CACNA1A: variants seen among roughly 807,000 people sequenced by gnomAD.
The protein encoded by CACNA1A is calcium voltage-gated channel subunit alpha1 A.
CACNA1A carries 57 observed loss-of-function variants against 262.4 expected under a neutral mutation model. The observed-to-expected ratio is 0.22, with a 90% CI of 0.18 to 0.27. CACNA1A has a LOEUF of 0.27. Among genes scored for constraint, CACNA1A ranks in the 10% least tolerant of loss-of-function variants. The pLI is 1.00. For synonymous variants in CACNA1A, 1,431 were observed against 1,419.3 expected (o/e 1.01, Z -0.18); for missense variants, 2,526 against 3,562.8 (o/e 0.71, Z 7.41).
chr19:13,485,296 A>T (rs1367891712), intron 1 of CACNA1A, among the ~76,000 whole-genome samples: 1 of 152,242 alleles, frequency 6.6e-6, no homozygotes, highest in Non-Finnish European at 1.5e-5. Flanking sequence ...GAAATAACAT[A>T]AAATATATCC....
intron 3 of CACNA1A, among the ~76,000 whole-genome samples, chr19:13,421,358 T>A (rs2144784827): frequency 6.6e-6 from 1 of 152,226 alleles, no homozygotes; most frequent in Admixed American, 6.5e-5. Flanking sequence ...GAAGTTGTAG[T>A]CATGGGGGAT....
chr19:13,324,709 A>ACAC (rs112857303), intron 10 of CACNA1A, among the ~76,000 whole-genome samples: 18,158 of 146,878 alleles, frequency 0.12, 1,087 homozygotes, highest in South Asian at 0.19. Flanking sequence ...CTCAACAACA[A>ACAC]CATCAACAAC....
chr19:13,374,235 CA>C (rs1568583675), intron 3 of CACNA1A, among the ~76,000 whole-genome samples: 1 of 152,010 alleles, frequency 6.6e-6, no homozygotes, highest in Non-Finnish European at 1.5e-5. Context: ...TACAACTTTA[CA>C]AAAAATGAAT....
rs529542670 is a variant in CACNA1A at position 13,452,803 on chromosome 19, C to T, written c.539+73G>A. 3.6e-5 allele frequency: 53 copies of T among 1,466,530 alleles called. 1 individual carries two copies. In the African/African-American group the frequency reaches 4.2e-4, roughly 12 times the overall value. The allele number at this position is 1,466,530 out of a possible 1,614,324, so 90.8% of individuals were successfully genotyped here. ...GGGCTCAGCCTTCCTGAGCCTGGCC[C>T]GGACCACACCAACCAAAAGCCTCGT... On this transcript the variant is annotated intron_variant, in intron 3 of 46. Transcript: ENST00000360228.
intron 10 of CACNA1A, among the ~76,000 whole-genome samples, chr19:13,321,124 C>A (rs1447143107): frequency 2.6e-5 from 4 of 151,488 alleles, no homozygotes; most frequent in African/African-American, 9.7e-5. Context: ...ACCTCTGCCT[C>A]CCAAGTTCAA....
At chr19:13,270,822 C>T (rs916408991) in intron 24 of CACNA1A, among the ~76,000 whole-genome samples, 4 of 152,286 alleles carry the variant, frequency 2.6e-5, no homozygotes, top group Non-Finnish European at 5.9e-5. Flanking sequence ...TATAAAGATG[C>T]TCCCTGTTGG....
At chr19:13,425,505 G>A (rs78986983) in intron 3 of CACNA1A, among the ~76,000 whole-genome samples, 162 of 152,214 alleles carry the variant, frequency 1.1e-3, no homozygotes, top group African/African-American at 3.7e-3. Flanking sequence ...ATTTACTCCC[G>A]TCTTTCCATT....
intron 34 of CACNA1A, among the ~76,000 whole-genome samples, chr19:13,232,992 C>A (rs1299343997): frequency 6.8e-6 from 1 of 147,874 alleles, no homozygotes; most frequent in Admixed American, 6.8e-5. Context: ...GAAGTTGCGC[C>A]GAGCCGAGAT....
intron 3 of CACNA1A, 92 bp from the exon 4 acceptor site, chr19:13,371,871 A>G: frequency 2.2e-6 from 2 of 919,004 alleles, no homozygotes; most frequent in South Asian, 1.4e-5. Flanking sequence ...GCTGTCCTGT[A>G]TTGGTTGGGT....
At chr19:13,461,426 C>T (rs1040490955) in intron 1 of CACNA1A, among the ~76,000 whole-genome samples, 2 of 152,190 alleles carry the variant, frequency 1.3e-5, no homozygotes, top group African/African-American at 2.4e-5. Context: ...ATGGGTCCTG[C>T]TGCCTAGAAA....
chr19:13,487,273 A>G (rs575048734), intron 1 of CACNA1A, among the ~76,000 whole-genome samples: 2 of 152,312 alleles, frequency 1.3e-5, no homozygotes, highest in Admixed American at 1.3e-4. Flanking sequence ...GGATTAAGCC[A>G]GGCTGATGAG....
chr19:13,349,486 T>C (rs995984630), intron 6 of CACNA1A, among the ~76,000 whole-genome samples: 20 of 152,264 alleles, frequency 1.3e-4, no homozygotes, highest in Admixed American at 8.5e-4. Context: ...CTGAGCCACA[T>C]GGGGCACATA....
chr19:13,328,793 C>A (rs1295757732), intron 10 of CACNA1A, among the ~76,000 whole-genome samples: 1 of 151,940 alleles, frequency 6.6e-6, no homozygotes, highest in East Asian at 1.9e-4. Context: ...CTAAACTCAG[C>A]AATAAGGTTA....
intron 6 of CACNA1A, among the ~76,000 whole-genome samples, chr19:13,348,624 T>C (rs2058839389): frequency 6.6e-6 from 1 of 152,152 alleles, no homozygotes; most frequent in Non-Finnish European, 1.5e-5. Flanking sequence ...AATCATGAGC[T>C]CAGGAGATCG....
intron 22 of CACNA1A, among the ~76,000 whole-genome samples, chr19:13,280,453 G>A (rs1007212113): frequency 1.3e-5 from 2 of 151,224 alleles, no homozygotes; most frequent in Admixed American, 6.6e-5. Context: ...TTGGCCTCTC[G>A]AAGTGCTGGG....
rs2055892940 is a variant in CACNA1A, at chr19:13,236,811, G to C, written c.4951-1081C>G. ...CCTCTGCCTCCTCCCACCCAAGCTAGAAGAACCAGGGGGCCAGAGAGTTGG... is the reference window on the plus strand; with the variant it reads ...CCTCTGCCTCCTCCCACCCAAGCTACAAGAACCAGGGGGCCAGAGAGTTGG... On this transcript the variant is annotated intron_variant, in intron 31 of 46. Transcript: ENST00000360228. This position sits in a 1 kb window ranked among gnomAD's most constrained non-coding sequence, Gnocchi z 4.6. Among the ~76,000 whole-genome samples the C allele has an allele frequency of 6.6e-6, 1 of 152,056 alleles. No individual in the cohort carries two copies. Among genetic ancestry groups the C allele is most frequent in the African/African-American group, 2.4e-5 (1 of 41,386 alleles).
At chr19:13,429,236 T>C (rs2060460939) in intron 3 of CACNA1A, among the ~76,000 whole-genome samples, 1 of 151,150 alleles carries the variant, frequency 6.6e-6, no homozygotes, top group Non-Finnish European at 1.5e-5. Context: ...TTGCAGCCTC[T>C]TCAGCCACTA....
intron 3 of CACNA1A, among the ~76,000 whole-genome samples, chr19:13,412,503 A>C (rs1400486642): frequency 6.8e-6 from 1 of 147,274 alleles, no homozygotes; most frequent in Non-Finnish European, 1.5e-5. Flanking sequence ...TTTGAGATGG[A>C]GTCTCACTCT....
chr19:13,473,201 C>T (rs1377734417), intron 1 of CACNA1A, among the ~76,000 whole-genome samples: 1 of 149,356 alleles, frequency 6.7e-6, no homozygotes, highest in African/African-American at 2.5e-5. Context: ...TTGCAGTGAG[C>T]TATAATTGCA....
Sources: gnomAD v4.1 joint callset for allele counts (sites outside exome capture counted in the v4.1 genomes callset) on GRCh38, gnomAD v4.1.1 for gene constraint, Gnocchi (gnomAD v3.1) non-coding constraint, MANE v1.5 for transcripts, NCBI Gene and HGNC (gene_info 2026-07-23, HGNC 2026-07-21) for gene names.